The following OSBPL1A variants were observed in gnomAD, a reference collection of about 807,000 sequenced individuals.
OSBPL1A encodes the protein oxysterol-binding protein-related protein 1.
A neutral mutation model predicts 137.1 loss-of-function variants in OSBPL1A; 80 were observed. The ratio of observed to expected loss-of-function variants is 0.58; its 90% CI spans 0.49 to 0.70. The LOEUF is 0.70. OSBPL1A is among the 30% of genes least tolerant of loss of function. The probability of loss-of-function intolerance (pLI) is 0.00; values close to 1 mark genes in which losing one functional copy is unlikely to be tolerated. For missense variants in OSBPL1A, 970 were observed against 1,129.4 expected (o/e 0.86, Z 2.02); for synonymous variants, 365 against 389.7 (o/e 0.94, Z 0.75).
chr18:24,211,244 G>C, intron 17 of OSBPL1A, among the ~76,000 whole-genome samples: 1 of 152,242 alleles, frequency 6.6e-6, no homozygotes, highest in East Asian at 1.9e-4. Flanking sequence ...TGGGATTTAC[G>C]GGCATAAGCC....
At chr18:24,394,865 AAAAGT>A (rs1209860631) in intron 1 of OSBPL1A, among the ~76,000 whole-genome samples, 1 of 152,214 alleles carries the variant, frequency 6.6e-6, no homozygotes. Context: ...GCTGATAAAT[AAAAGT>A]AAAGTGAGCG....
chr18:24,324,671 CT>C (rs2090936729), intron 7 of OSBPL1A, among the ~76,000 whole-genome samples: 1 of 147,278 alleles, frequency 6.8e-6, no homozygotes, highest in East Asian at 2.0e-4. Context: ...GTAGTCCCAG[CT>C]ACTCAGGAGG....
chr18:24,352,293 C>A (rs1157357991), intron 4 of OSBPL1A, among the ~76,000 whole-genome samples: 2 of 151,840 alleles, frequency 1.3e-5, no homozygotes, highest in Admixed American at 6.6e-5. Flanking sequence ...CAGAGTGAGA[C>A]CCTGTCTCAA....
intron 27 of OSBPL1A, among the ~76,000 whole-genome samples, chr18:24,164,153 A>G (rs767844505): frequency 2.0e-5 from 3 of 152,192 alleles, no homozygotes; most frequent in Non-Finnish European, 4.4e-5. Flanking sequence ...TTTTTCTAAT[A>G]CACCATGCTA....
Position 24,306,678 on chromosome 18 carries a change from C to T in OSBPL1A, c.1093-2960G>A, listed in dbSNP as rs1449956747. Among the ~76,000 whole-genome samples, 6 of 152,044 alleles carry T rather than the reference C, an allele frequency of 3.9e-5. No individual in the cohort carries two copies. In the East Asian group the frequency reaches 1.2e-3, roughly 29 times the overall value. The stretch of plus-strand genomic sequence containing the variant: ...GGAGGGTATTATCTGGGAAGAGCAG[C>T]AAGGGAACAACATTTTGACATAATA... On this transcript the variant is annotated intron_variant, in intron 13 of 27. Coordinates refer to ENST00000319481, the MANE Select transcript of OSBPL1A (RefSeq NM_080597.4).
At chr18:24,170,044 AT>A (rs1197402858) in intron 24 of OSBPL1A, among the ~76,000 whole-genome samples, 3 of 152,254 alleles carry the variant, frequency 2.0e-5, no homozygotes, top group Non-Finnish European at 4.4e-5. Flanking sequence ...AAAATGTTTC[AT>A]TAAGATGAAC....
intron 2 of OSBPL1A, among the ~76,000 whole-genome samples, chr18:24,372,274 C>CAA (rs11369067): frequency 2.9e-4 from 31 of 105,114 alleles, no homozygotes; most frequent in African/African-American, 7.7e-4. Flanking sequence ...GACGCTGTCG[C>CAA]AAAAAAAAAA....
intron 25 of OSBPL1A, 54 bp downstream of exon 25, chr18:24,167,275 C>T (rs1052215711): frequency 1.1e-5 from 16 of 1,508,506 alleles, no homozygotes; most frequent in Middle Eastern, 1.7e-4. Context: ...CAGGAAAGAG[C>T]GCCACAATGC....
intron 15 of OSBPL1A, among the ~76,000 whole-genome samples, chr18:24,266,581 C>T (rs1481580723): frequency 6.6e-6 from 1 of 152,060 alleles, no homozygotes; most frequent in Non-Finnish European, 1.5e-5. Context: ...GCAAAAGAAA[C>T]AGAAATGCCA....
At chr18:24,206,613 T>C (rs564466380) in intron 17 of OSBPL1A, among the ~76,000 whole-genome samples, 2 of 152,270 alleles carry the variant, frequency 1.3e-5, no homozygotes, top group African/African-American at 4.8e-5. Flanking sequence ...CTCATTCCCA[T>C]CCAGATCCGA....
chr18:24,175,137 C>CATATATATATATATATATATAT (rs57325245), intron 21 of OSBPL1A, among the ~76,000 whole-genome samples: 7 of 51,760 alleles, frequency 1.4e-4, no homozygotes, highest in African/African-American at 4.8e-4. Flanking sequence ...TATATATATA[C>CATATATATATATATATATATAT]ACATATATAT....
At chr18:24,214,554 C>A (rs78648525) in intron 17 of OSBPL1A, among the ~76,000 whole-genome samples, 1 of 152,166 alleles carries the variant, frequency 6.6e-6, no homozygotes, top group Admixed American at 6.6e-5. Context: ...AACTTGAACA[C>A]CTCCAGTTGG....
At chr18:24,194,023 G>T (rs1415840740) in intron 18 of OSBPL1A, among the ~76,000 whole-genome samples, 1 of 152,174 alleles carries the variant, frequency 6.6e-6, no homozygotes, top group Admixed American at 6.5e-5. Context: ...CGATTTGGAC[G>T]TAAACTAGAC....
chr18:24,175,197 T>C (rs1021832099), intron 21 of OSBPL1A, among the ~76,000 whole-genome samples: 5 of 148,770 alleles, frequency 3.4e-5, no homozygotes, highest in African/African-American at 1.0e-4. Flanking sequence ...TTGTTGTTGT[T>C]GTTCCAGAGA....
At chr18:24,246,222 A>G (rs2088881634) in intron 15 of OSBPL1A, among the ~76,000 whole-genome samples, 1 of 151,994 alleles carries the variant, frequency 6.6e-6, no homozygotes, top group Non-Finnish European at 1.5e-5. Flanking sequence ...TGAAAAATAA[A>G]TAAATAAATA....
intron 15 of OSBPL1A, among the ~76,000 whole-genome samples, chr18:24,278,326 A>G (rs973737148): frequency 3.3e-5 from 5 of 152,224 alleles, no homozygotes; most frequent in Admixed American, 3.3e-4. Flanking sequence ...ATCCACTGTT[A>G]CACACATAAA....
At chr18:24,245,904 C>T (rs1369208742) in intron 15 of OSBPL1A, among the ~76,000 whole-genome samples, 1 of 152,094 alleles carries the variant, frequency 6.6e-6, no homozygotes, top group Non-Finnish European at 1.5e-5. Flanking sequence ...AACAATGACA[C>T]TCATTTAAGA....
At chr18:24,295,685 T>C (rs909673642) in intron 14 of OSBPL1A, among the ~76,000 whole-genome samples, 2 of 152,210 alleles carry the variant, frequency 1.3e-5, no homozygotes, top group African/African-American at 4.8e-5. Context: ...GGAAAAGCTA[T>C]ATAAACTGAA....
chr18:24,273,572 T>C (rs1189752358), intron 15 of OSBPL1A, among the ~76,000 whole-genome samples: 7 of 152,234 alleles, frequency 4.6e-5, no homozygotes, highest in Admixed American at 3.9e-4. Context: ...TAGATCCAGA[T>C]TGGTCTGATC....
Sources: allele counts gnomAD v4.1 joint callset (sites outside exome capture counted in the v4.1 genomes callset), GRCh38; gene constraint gnomAD v4.1.1; transcripts MANE v1.5; gene names NCBI Gene and HGNC (gene_info 2026-07-23, HGNC 2026-07-21).